Variants in SI observed in about 807,000 individuals in gnomAD.
SI encodes sucrase-isomaltase, also known as sucrase-isomaltase, intestinal.
In SI, 235 loss-of-function variants were observed where a neutral mutation model predicts 253.3. That is an observed-to-expected ratio of 0.93 (90% CI 0.83 to 1.03). The LOEUF (loss-of-function observed/expected upper bound fraction) is 1.03. Ranked by LOEUF, SI falls within the 50% of genes least tolerant of loss-of-function variation. The probability of loss-of-function intolerance (pLI) is 0.00; values close to 1 mark genes in which losing one functional copy is unlikely to be tolerated. For synonymous variants in SI, 819 were observed against 712.0 expected (o/e 1.15, Z -2.39); for missense variants, 2,442 against 2,211.1 (o/e 1.10, Z -2.09).
intron 29 of SI, 41 bp downstream of exon 29, chr3:165,017,929 G>A: frequency 6.3e-7 from 1 of 1,581,210 alleles, no homozygotes. Flanking sequence ...TTATGAAAAA[G>A]TCACATAAAA....
chr3:165,064,083 TAAAATAAAAAATA>T (rs1714108215), intron 7 of SI, among the ~76,000 whole-genome samples: 2 of 150,750 alleles, frequency 1.3e-5, no homozygotes, highest in South Asian at 4.2e-4. Flanking sequence ...AATAAATAAA[TAAAATAAAAAATA>T]AAAATAAATA....
rs1285374415 is a variant in SI, at chr3:165,008,208, GT to G, written c.4180-211del. On this transcript the variant is annotated intron_variant, in intron 35 of 47. Coordinates refer to ENST00000264382, the MANE Select transcript of SI (RefSeq NM_001041.4). ...TCAGTTTCCTTTTGAAAAATAAAAT[GT>G]TTTGTTTTCTCTGTATTATGCATTA... 4.7e-4 allele frequency among the ~76,000 whole-genome samples: 71 copies of G among 151,686 alleles called. 1 individual carries two copies. The highest frequency in any genetic ancestry group is 1.7e-3 in the African/African-American group (70 of 41,414).
chr3:165,039,206 G>T, intron 19 of SI, 72 bp from the exon 20 acceptor site: 1 of 1,049,226 alleles, frequency 9.5e-7, no homozygotes, highest in Non-Finnish European at 1.4e-6. Context: ...TATTAAGTTG[G>T]GTTTTCATAG....
chr3:165,018,652 AAAATT>A (rs1559991748), intron 28 of SI, among the ~76,000 whole-genome samples: 1 of 151,256 alleles, frequency 6.6e-6, no homozygotes, highest in African/African-American at 2.4e-5. Flanking sequence ...TAATATATAT[AAAATT>A]ACCAGTGAAA....
intron 38 of SI, among the ~76,000 whole-genome samples, chr3:164,997,311 A>G (rs1326906823): frequency 6.6e-6 from 1 of 151,786 alleles, no homozygotes; most frequent in African/African-American, 2.4e-5. Flanking sequence ...TTATTTATCA[A>G]TGGTGAACAA....
intron 13 of SI, among the ~76,000 whole-genome samples, chr3:165,052,035 A>G (rs1158872061): frequency 6.6e-6 from 1 of 152,032 alleles, no homozygotes; most frequent in Non-Finnish European, 1.5e-5. Flanking sequence ...TTTTAACCAT[A>G]TTTTACATAA....
At chr3:165,070,205 T>C (rs959923081) in intron 3 of SI, among the ~76,000 whole-genome samples, 1 of 144,436 alleles carries the variant, frequency 6.9e-6, no homozygotes, top group Non-Finnish European at 1.5e-5. Flanking sequence ...GTATATATTA[T>C]ATATAAAATA....
chr3:164,987,288 T>G (rs1014407486), intron 44 of SI, 62 bp from the exon 45 acceptor site: 2 of 1,335,568 alleles, frequency 1.5e-6, no homozygotes, highest in African/African-American at 1.4e-5. Context: ...CTAGTTATGA[T>G]ATGACATCCA....
intron 2 of SI, among the ~76,000 whole-genome samples, chr3:165,075,626 G>C (rs1426048916): frequency 6.6e-6 from 1 of 151,866 alleles, no homozygotes; most frequent in African/African-American, 2.4e-5. Context: ...TTACATTAAC[G>C]ATTTGATCCC....
At chr3:165,030,153 G>C (rs1045593697) in intron 25 of SI, among the ~76,000 whole-genome samples, 13 of 150,846 alleles carry the variant, frequency 8.6e-5, no homozygotes, top group South Asian at 8.3e-4. Context: ...GAAAAGCCCA[G>C]AATTTGAAAA....
chr3:165,051,307 A>C (rs2108235625), intron 13 of SI, among the ~76,000 whole-genome samples: 1 of 152,254 alleles, frequency 6.6e-6, no homozygotes, highest in Non-Finnish European at 1.5e-5. Context: ...AAAAAAGAAT[A>C]GATTTGTTAT....
At chr3:165,002,199 A>G (rs1559984177) in intron 37 of SI, among the ~76,000 whole-genome samples, 4 of 151,672 alleles carry the variant, frequency 2.6e-5, no homozygotes, top group African/African-American at 4.8e-5. Flanking sequence ...TTGAACCCAT[A>G]ATTTGAAGTA....
intron 12 of SI, among the ~76,000 whole-genome samples, chr3:165,058,053 T>A (rs956486434): frequency 4.0e-5 from 4 of 100,020 alleles, no homozygotes; most frequent in Admixed American, 2.2e-4. Context: ...TCTTAAAATA[T>A]TTTTTTTTAA....
chr3:165,080,616 G>A (rs75796235), upstream of SI, among the ~76,000 whole-genome samples: 40,510 of 151,778 alleles, frequency 0.27, 7,158 homozygotes, highest in East Asian at 0.67. Context: ...CATGGATGAA[G>A]CTGGAAACCA....
At chr3:165,017,257 G>T (rs1288167189) in intron 31 of SI, among the ~76,000 whole-genome samples, 3 of 151,898 alleles carry the variant, frequency 2.0e-5, no homozygotes, top group Non-Finnish European at 4.4e-5. Context: ...CATAGTGACT[G>T]CCTGTACAAC....
chr3:165,071,453 C>A (rs1283067753), intron 3 of SI, among the ~76,000 whole-genome samples: 2 of 151,064 alleles, frequency 1.3e-5, no homozygotes, highest in Non-Finnish European at 2.9e-5. Context: ...CATATTTTAA[C>A]ATATTTTATC....
Position 165,071,473 on chromosome 3 carries a change from T to C in SI, c.256-2278A>G, listed in dbSNP as rs115921706. 9.9e-3 allele frequency among the ~76,000 whole-genome samples: 1,501 copies of C among 151,290 alleles called. 30 individuals are homozygous for C. Among genetic ancestry groups the C allele is most frequent in the African/African-American group, 0.035 (1,433 of 41,380 alleles). On this transcript the variant is annotated intron_variant, in intron 3 of 47. Coordinates refer to ENST00000264382, the MANE Select transcript of SI (RefSeq NM_001041.4). ...TTTAACATATTTTATCATATATATG[T>C]ATATACATTATAAGTGATTATATAT...
chr3:165,007,060 T>C (rs1049651109), intron 36 of SI, 106 bp from the exon 37 acceptor site: 2 of 838,724 alleles, frequency 2.4e-6, no homozygotes, highest in African/African-American at 1.7e-5. Flanking sequence ...ATCAGTGTTT[T>C]ATAAAACCTA....
In SI at chr3:164,998,457, T is replaced by C. The variant is rs1718116039; in HGVS notation, c.4540+83A>G. 9.8e-6 allele frequency: 14 copies of C among 1,429,916 alleles called. No individual in the cohort carries two copies. In the Admixed American group the frequency reaches 2.4e-4, roughly 24 times the overall value. The allele number at this position is 1,429,916 out of a possible 1,614,324, so 88.6% of individuals were successfully genotyped here. On this transcript the variant is annotated intron_variant, in intron 38 of 47. Transcript: ENST00000264382. Reference sequence around the variant, plus strand: ...TGAAGAACAAAATTCTGAGGACTTATAAATGTTATGACCTAGCACCAGCAA... The same window carrying C: ...TGAAGAACAAAATTCTGAGGACTTACAAATGTTATGACCTAGCACCAGCAA...
Sources: allele counts gnomAD v4.1 joint callset (sites outside exome capture counted in the v4.1 genomes callset), GRCh38; gene constraint gnomAD v4.1.1; transcripts MANE v1.5; gene names NCBI Gene and HGNC (gene_info 2026-07-23, HGNC 2026-07-21).